The following PTPRN2 variants were observed in gnomAD, a reference collection of about 807,000 sequenced individuals.
PTPRN2 encodes the protein receptor-type tyrosine-protein phosphatase N2.
PTPRN2 carries 74 observed loss-of-function variants against 118.8 expected under a neutral mutation model. That is an observed-to-expected ratio of 0.62 (90% CI 0.52 to 0.76). The LOEUF (loss-of-function observed/expected upper bound fraction) is 0.76, where lower values mean the gene tolerates loss of function less well. Among genes scored for constraint, PTPRN2 ranks in the 30% least tolerant of loss-of-function variants. The probability of loss-of-function intolerance (pLI) is 0.00; values close to 1 mark genes in which losing one functional copy is unlikely to be tolerated. For synonymous variants in PTPRN2, 641 were observed against 608.0 expected (o/e 1.05, Z -0.80); for missense variants, 1,481 against 1,394.4 (o/e 1.06, Z -0.99).
intron 1 of PTPRN2, among the ~76,000 whole-genome samples, chr7:158,557,015 C>CAGGCG (rs1827065997): frequency 7.0e-6 from 1 of 142,234 alleles, no homozygotes. Flanking sequence ...CCACGCAGGT[C>CAGGCG]GCTCCCACGC....
At chr7:158,476,785 G>A (rs752356228) in intron 2 of PTPRN2, among the ~76,000 whole-genome samples, 7 of 152,246 alleles carry the variant, frequency 4.6e-5, no homozygotes, top group Non-Finnish European at 7.3e-5. Context: ...CGTCAATCTG[G>A]TTCTGTTCCT....
intron 1 of PTPRN2, among the ~76,000 whole-genome samples, chr7:158,566,468 G>A (rs576891251): frequency 1.3e-3 from 198 of 152,242 alleles, no homozygotes; most frequent in Middle Eastern, 6.8e-3. Context: ...GCCCCATAGC[G>A]GGCACTTGGC....
intron 3 of PTPRN2, among the ~76,000 whole-genome samples, chr7:158,260,087 G>A (rs893957053): frequency 7.2e-5 from 11 of 152,240 alleles, no homozygotes; most frequent in Middle Eastern, 6.3e-3. Context: ...GTGCGTGCAC[G>A]TCTGTGTGCA....
chr7:158,284,935 A>G (rs2151008539), intron 3 of PTPRN2, among the ~76,000 whole-genome samples: 1 of 152,352 alleles, frequency 6.6e-6, no homozygotes, highest in African/African-American at 2.4e-5. Context: ...TAGGGTGAGC[A>G]GTCTGCCTGT....
intron 2 of PTPRN2, among the ~76,000 whole-genome samples, chr7:158,347,677 CTA>C (rs1807615065): frequency 6.6e-6 from 1 of 151,418 alleles, no homozygotes; most frequent in Admixed American, 6.6e-5. Flanking sequence ...TGCACTGAAA[CTA>C]TAGATTGCTC....
In PTPRN2 at chr7:158,093,570, A is replaced by T. The variant is rs1251672889; in HGVS notation, c.1644-12193T>A. On this transcript the variant is annotated intron_variant, in intron 10 of 22. Coordinates refer to ENST00000389418, the MANE Select transcript of PTPRN2 (RefSeq NM_002847.5). The surrounding 1 kb of genome is among the most constrained non-coding windows in gnomAD (Gnocchi z 4.4). ...TCCAAGCTACCGACAGAAAACCAAT[A>T]AAAAAATGAGCTCACGTCTGGCTGC... is the stretch of plus-strand genomic sequence containing the variant. Among the ~76,000 whole-genome samples, 1 of 152,214 alleles carries T rather than the reference A, an allele frequency of 6.6e-6. No homozygotes were observed. Among genetic ancestry groups the T allele is most frequent in the Non-Finnish European group, 1.5e-5 (1 of 68,040 alleles).
chr7:157,994,884 G>A (rs796783786), intron 11 of PTPRN2, among the ~76,000 whole-genome samples: 2 of 6,922 alleles, frequency 2.9e-4, no homozygotes, highest in Non-Finnish European at 5.4e-4. Context: ...AATCAACGCC[G>A]TGTCCCCAGC....
intron 12 of PTPRN2, among the ~76,000 whole-genome samples, chr7:157,776,085 C>T (rs1803198982): frequency 6.6e-6 from 1 of 150,786 alleles, no homozygotes; most frequent in South Asian, 2.1e-4. Flanking sequence ...TCTTCTCTTC[C>T]TCCCTCCTCT....
intron 12 of PTPRN2, among the ~76,000 whole-genome samples, chr7:157,875,102 T>TA (rs766738918): frequency 1.5e-4 from 23 of 152,114 alleles, no homozygotes; most frequent in East Asian, 7.7e-4. Context: ...TGCCCTTGGG[T>TA]AGACTTGTGG....
chr7:158,067,060 C>A (rs943257745), intron 11 of PTPRN2, among the ~76,000 whole-genome samples: 9 of 152,212 alleles, frequency 5.9e-5, no homozygotes, highest in Non-Finnish European at 1.0e-4. Context: ...AATTTCTCTT[C>A]TTACACCTGG....
intron 1 of PTPRN2, among the ~76,000 whole-genome samples, chr7:158,516,175 AC>A (rs1356489542): frequency 3.9e-5 from 6 of 152,224 alleles, no homozygotes; most frequent in African/African-American, 1.4e-4. Context: ...CCTCTCTCCT[AC>A]AATTAAAAGT....
chr7:158,171,410 G>A (rs1174181396), intron 5 of PTPRN2, among the ~76,000 whole-genome samples: 6 of 148,448 alleles, frequency 4.0e-5, no homozygotes, highest in East Asian at 2.0e-4. Flanking sequence ...GTGCAATGGC[G>A]TGATCTTGGC....
rs1398942174 is a variant in PTPRN2, at chr7:158,544,377, T to G, written c.112+43181A>C. 1.3e-5 allele frequency among the ~76,000 whole-genome samples: 2 copies of G among 152,136 alleles called. No individual in the cohort carries two copies. The highest frequency in any genetic ancestry group is 3.8e-4 in the East Asian group (2 of 5,198). Reference sequence around the variant, plus strand: ...TTGGCCGGGTGCGGTGGCTCATGCCTGTAATCCCAGCACTTTGGGAGGCCA... The same window carrying G: ...TTGGCCGGGTGCGGTGGCTCATGCCGGTAATCCCAGCACTTTGGGAGGCCA... On this transcript the variant is annotated intron_variant, in intron 1 of 22. Coordinates refer to ENST00000389418, the MANE Select transcript of PTPRN2 (RefSeq NM_002847.5). The surrounding 1 kb of genome is among the most constrained non-coding windows in gnomAD (Gnocchi z 4.2).
intron 5 of PTPRN2, among the ~76,000 whole-genome samples, chr7:158,191,749 C>T (rs144466362): frequency 2.0e-3 from 307 of 152,232 alleles, no homozygotes; most frequent in African/African-American, 6.0e-3. Flanking sequence ...GGTTCGCCTC[C>T]GAGCCTGTCT....
At chr7:157,699,015 C>T (rs1797943159) in intron 12 of PTPRN2, among the ~76,000 whole-genome samples, 2 of 152,106 alleles carry the variant, frequency 1.3e-5, no homozygotes, top group Admixed American at 6.5e-5. Context: ...GAAGAATAAC[C>T]AGGTCATCTC....
intron 11 of PTPRN2, among the ~76,000 whole-genome samples, chr7:157,998,218 G>A (rs902022247): frequency 6.6e-6 from 1 of 152,082 alleles, no homozygotes; most frequent in South Asian, 2.1e-4. Context: ...GCTTTTACCC[G>A]GCAGCCTCAG....
In PTPRN2 at chr7:157,813,278, C is replaced by G. The variant is rs906385181; in HGVS notation, c.1788+85395G>C. ...GACCTTTGGGACCCCTCACCCTGCC[C>G]GGTCCTCCTGCTGTGGGGTGTGAGT... On this transcript the variant is annotated intron_variant, in intron 12 of 22. Transcript: ENST00000389418. The surrounding 1 kb of genome is among the most constrained non-coding windows in gnomAD (Gnocchi z 4.7). Among the ~76,000 whole-genome samples the G allele has an allele frequency of 6.6e-6, 1 of 152,076 alleles. No homozygotes were observed. The highest frequency in any genetic ancestry group is 1.5e-5 in the Non-Finnish European group (1 of 68,034).
chr7:157,698,419 T>C (rs1390570441), intron 12 of PTPRN2, among the ~76,000 whole-genome samples: 1 of 152,264 alleles, frequency 6.6e-6, no homozygotes, highest in African/African-American at 2.4e-5. Flanking sequence ...ATAGACTTGA[T>C]ATCCCACCAA....
At chr7:157,736,389 A>C (rs542650290) in intron 12 of PTPRN2, among the ~76,000 whole-genome samples, 3 of 152,184 alleles carry the variant, frequency 2.0e-5, no homozygotes, top group Non-Finnish European at 4.4e-5. Context: ...TTAAGGTTCA[A>C]TGAGGCCAAA....
Sources: gnomAD v4.1 joint callset for allele counts (sites outside exome capture counted in the v4.1 genomes callset) on GRCh38, gnomAD v4.1.1 for gene constraint, Gnocchi (gnomAD v3.1) non-coding constraint, MANE v1.5 for transcripts, NCBI Gene and HGNC (gene_info 2026-07-23, HGNC 2026-07-21) for gene names.